Variants in PLCG2 observed in about 807,000 individuals in gnomAD.
PLCG2 encodes the protein 1-phosphatidylinositol 4,5-bisphosphate phosphodiesterase gamma-2.
Under a neutral mutation model 175.6 loss-of-function variants are expected in PLCG2, and 69 were observed. That is an observed-to-expected ratio of 0.39 (90% CI 0.32 to 0.48). The LOEUF is 0.48. Among genes scored for constraint, PLCG2 ranks in the 20% least tolerant of loss-of-function variants. The pLI is 0.91. For missense variants in PLCG2, 1,798 were observed against 1,650.9 expected (o/e 1.09, Z -1.54); for synonymous variants, 827 against 624.0 (o/e 1.33, Z -4.85).
At chr16:81,746,294 G>C (rs1344791470) in intron 1 of PLCG2, among the ~76,000 whole-genome samples, 1 of 152,210 alleles carries the variant, frequency 6.6e-6, no homozygotes, top group Non-Finnish European at 1.5e-5. Context: ...CCACTGGCAG[G>C]GTGCCTTGAG....
At chr16:81,906,879 A>T (rs768730079) in intron 15 of PLCG2, among the ~76,000 whole-genome samples, 156 of 152,228 alleles carry the variant, frequency 1.0e-3, no homozygotes, top group Non-Finnish European at 1.8e-3. Flanking sequence ...CTCTATTAAA[A>T]CTACAAAAAT....
chr16:81,920,380 G>C (rs1910012194), intron 20 of PLCG2, among the ~76,000 whole-genome samples: 1 of 152,192 alleles, frequency 6.6e-6, no homozygotes, highest in Non-Finnish European at 1.5e-5. Flanking sequence ...ATCTGCTTTG[G>C]GAAATTTAGG....
chr16:81,924,643 C>G (rs529698225), intron 22 of PLCG2, among the ~76,000 whole-genome samples: 1 of 152,190 alleles, frequency 6.6e-6, no homozygotes, highest in African/African-American at 2.4e-5. Flanking sequence ...ATGCCTTAAT[C>G]CAGGGATTAT....
intron 19 of PLCG2, among the ~76,000 whole-genome samples, chr16:81,917,469 G>T (rs1027069366): frequency 1.3e-5 from 2 of 151,968 alleles, no homozygotes; most frequent in Admixed American, 1.3e-4. Context: ...AGGAACCTCT[G>T]TACTGTTTTC....
At chr16:81,861,031 C>T (rs1032071876) in intron 5 of PLCG2, among the ~76,000 whole-genome samples, 1 of 151,944 alleles carries the variant, frequency 6.6e-6, no homozygotes, top group Admixed American at 6.6e-5. Flanking sequence ...CCCACCACGA[C>T]AAGAAAAAAC....
At chr16:81,923,213 C>G (rs892393289) in intron 21 of PLCG2, among the ~76,000 whole-genome samples, 7 of 149,486 alleles carry the variant, frequency 4.7e-5, no homozygotes, top group African/African-American at 1.7e-4. Flanking sequence ...GCGCTAAACC[C>G]TAGCCCCAAA....
chr16:81,743,594 G>A (rs958273295), intron 1 of PLCG2, among the ~76,000 whole-genome samples: 1 of 152,208 alleles, frequency 6.6e-6, no homozygotes, highest in African/African-American at 2.4e-5. Context: ...CTGAGCTGAT[G>A]AGAACCAGAC....
chr16:81,848,117 G>C (rs1376463537), intron 2 of PLCG2, among the ~76,000 whole-genome samples: 1 of 152,238 alleles, frequency 6.6e-6, no homozygotes, highest in African/African-American at 2.4e-5. Context: ...TACAGGTGAT[G>C]TTGGCAGAAG....
intron 2 of PLCG2, among the ~76,000 whole-genome samples, chr16:81,832,867 G>T (rs562176961): frequency 6.6e-6 from 1 of 152,276 alleles, no homozygotes; most frequent in South Asian, 2.1e-4. Context: ...AAGAGAGCAG[G>T]CTAAGTGCCC....
intron 31 of PLCG2, 31 bp downstream of exon 31, chr16:81,946,294 C>A (rs755961257): frequency 6.6e-7 from 1 of 1,506,548 alleles, no homozygotes; most frequent in African/African-American, 1.4e-5. Context: ...TAAGGGTTCC[C>A]TGAGCTATGC....
intron 2 of PLCG2, among the ~76,000 whole-genome samples, chr16:81,757,793 G>T (rs778172476): frequency 6.6e-6 from 1 of 151,486 alleles, no homozygotes; most frequent in Non-Finnish European, 1.5e-5. Flanking sequence ...CAGAAACCCA[G>T]TACCCCTTAG....
chr16:81,788,006 A>G (rs1597318693), intron 2 of PLCG2, among the ~76,000 whole-genome samples: 2 of 152,198 alleles, frequency 1.3e-5, no homozygotes, highest in East Asian at 3.8e-4. Context: ...TTTGGCTAAT[A>G]TAAATAGTGC....
intron 11 of PLCG2, among the ~76,000 whole-genome samples, chr16:81,892,151 A>G (rs1402119556): frequency 6.6e-6 from 1 of 152,212 alleles, no homozygotes; most frequent in Admixed American, 6.5e-5. Flanking sequence ...TGGGGCAGGA[A>G]CAACTGAGAG....
chr16:81,823,456 C>G (rs1346279250), intron 2 of PLCG2, among the ~76,000 whole-genome samples: 1 of 152,204 alleles, frequency 6.6e-6, no homozygotes, highest in Admixed American at 6.5e-5. Context: ...GCTGCACTGT[C>G]TGATCTCTGA....
intron 13 of PLCG2, 140 bp downstream of exon 13, chr16:81,896,067 C>A: frequency 1.9e-6 from 2 of 1,068,890 alleles, no homozygotes; most frequent in Non-Finnish European, 2.8e-6. Context: ...TGGCCAAAGC[C>A]ACTGCCATCA....
At chr16:81,787,973 G>A (rs961105566) in intron 2 of PLCG2, among the ~76,000 whole-genome samples, 1 of 152,126 alleles carries the variant, frequency 6.6e-6, no homozygotes, top group African/African-American at 2.4e-5. Context: ...ATCTGTTGAC[G>A]GACCCTTGGG....
intron 2 of PLCG2, among the ~76,000 whole-genome samples, chr16:81,808,729 G>C (rs986332764): frequency 1.3e-5 from 2 of 152,162 alleles, no homozygotes; most frequent in Non-Finnish European, 2.9e-5. Flanking sequence ...TCCTGACCTT[G>C]TGATCCACCT....
rs778662619 is a variant in PLCG2 at position 81,786,074 on chromosome 16, A to T, written c.85A>T (p.Thr29Ser). Residue 29 changes from threonine (T) to serine (S), a missense_variant, in exon 2 of 33, where the codon ACT becomes TCT. Transcript: ENST00000564138. ...AGCCCTGGAGCTGGGGACGGTGATG[A>T]CTGTGTTCAGCTTCCGCAAGTCCAC... The part of the protein sequence containing the change: ...KRALELGTVM[T>S]VFSFRKSTPE... 1 of 1,614,132 alleles carries T rather than the reference A, an allele frequency of 6.2e-7. No individual in the cohort carries two copies. Among genetic ancestry groups the T allele is most frequent in the East Asian group, 2.2e-5 (1 of 44,882 alleles).
intron 1 of PLCG2, among the ~76,000 whole-genome samples, chr16:81,741,789 C>T (rs183449559): frequency 1.1e-3 from 172 of 151,700 alleles, no homozygotes; most frequent in African/African-American, 4.1e-3. Flanking sequence ...CTAGCCTGGG[C>T]GAAGAGAGAC....
Sources: allele counts gnomAD v4.1 joint callset (sites outside exome capture counted in the v4.1 genomes callset), GRCh38; gene constraint gnomAD v4.1.1; transcripts MANE v1.5; gene names NCBI Gene and HGNC (gene_info 2026-07-23, HGNC 2026-07-21).